PRIM2: variants seen among roughly 807,000 people sequenced by gnomAD.
PRIM2 encodes DNA primase subunit 2.
Under a neutral mutation model 67.3 loss-of-function variants are expected in PRIM2, and 39 were observed. That is an observed-to-expected ratio of 0.58 (90% confidence interval 0.45 to 0.76). PRIM2 has a LOEUF of 0.76. PRIM2 is among the 30% of genes least tolerant of loss of function. PRIM2 has a pLI of 0.00. For synonymous variants in PRIM2, 143 were observed against 198.7 expected (o/e 0.72, Z 2.36); for missense variants, 398 against 598.7 (o/e 0.66, Z 3.50).
chr6:57,288,540 A>G, the PRIM2 span, among the ~76,000 whole-genome samples: 1 of 152,168 alleles, frequency 6.6e-6, no homozygotes, highest in African/African-American at 2.4e-5. Flanking sequence ...ATACCTCCCA[A>G]TAGGGGCAAC....
At chr6:57,533,370 A>G (rs1417571062) in intron 9 of PRIM2, among the ~76,000 whole-genome samples, 1 of 152,242 alleles carries the variant, frequency 6.6e-6, no homozygotes, top group African/African-American at 2.4e-5. Flanking sequence ...AAAAATACAC[A>G]GGGATTTTAA....
intron 7 of PRIM2, among the ~76,000 whole-genome samples, chr6:57,405,166 G>GGAGGGGTACTTGT (rs1770843785): frequency 2.0e-5 from 3 of 152,202 alleles, no homozygotes; most frequent in African/African-American, 7.2e-5. Context: ...TTTTTGGTGG[G>GGAGGGGTACTTGT]GAGGGGTACT....
At chr6:57,240,103 T>TTTG in the PRIM2 span, among the ~76,000 whole-genome samples, 10 of 97,290 alleles carry the variant, frequency 1.0e-4, no homozygotes, top group South Asian at 2.9e-4. Flanking sequence ...TTTTTTTTTT[T>TTTG]TTTTTTTTTT....
intron 12 of PRIM2, among the ~76,000 whole-genome samples, chr6:57,616,030 A>T (rs1335025190): frequency 2.0e-5 from 3 of 152,244 alleles, no homozygotes; most frequent in Non-Finnish European, 2.9e-5. Flanking sequence ...CTAATCTAAA[A>T]GTTGTAGTTC....
intron 7 of PRIM2, among the ~76,000 whole-genome samples, chr6:57,443,310 T>C (rs1772261501): frequency 6.6e-6 from 1 of 152,194 alleles, no homozygotes; most frequent in African/African-American, 2.4e-5. Context: ...TTTTTAGTTT[T>C]TTGAGGAATC....
chr6:57,575,278 A>G (rs1397837136), intron 10 of PRIM2, among the ~76,000 whole-genome samples: 1 of 152,258 alleles, frequency 6.6e-6, no homozygotes, highest in Non-Finnish European at 1.5e-5. Context: ...TAAATAAGAT[A>G]GTAATTTCTA....
chr6:57,355,565 A>G (rs1170967084), intron 5 of PRIM2, among the ~76,000 whole-genome samples: 1 of 152,184 alleles, frequency 6.6e-6, no homozygotes, highest in Non-Finnish European at 1.5e-5. Flanking sequence ...GAGTGAAGAC[A>G]GAAAACTATT....
the PRIM2 span, among the ~76,000 whole-genome samples, chr6:57,303,184 T>C: frequency 1.3e-5 from 2 of 152,162 alleles, no homozygotes; most frequent in African/African-American, 4.8e-5. Context: ...AGCCAAATGA[T>C]AAAAACTAAT....
chr6:57,527,776 C>A (rs1774790969), intron 8 of PRIM2, among the ~76,000 whole-genome samples: 1 of 152,120 alleles, frequency 6.6e-6, no homozygotes, highest in Non-Finnish European at 1.5e-5. Context: ...TGTTTATTAT[C>A]ACCTCCTCTA....
At position 57,551,098 on chromosome 6, in the gene PRIM2, A is replaced by T. The variant is rs1357217629; in HGVS notation, c.1020+13473A>T. On this transcript the variant is annotated intron_variant, in intron 10 of 13. Coordinates refer to ENST00000615550, the MANE Select transcript of PRIM2 (RefSeq NM_000947.5). ...CCATCTTTCCAGTTTGTTTACTTCTATGTAAAGTAGGATTTTATTTTATTT... is the reference window on the plus strand; with the variant it reads ...CCATCTTTCCAGTTTGTTTACTTCTTTGTAAAGTAGGATTTTATTTTATTT... 3.3e-5 allele frequency among the ~76,000 whole-genome samples: 5 copies of T among 152,276 alleles called. No individual in the cohort carries two copies. The East Asian group carries it at 9.6e-4, about 29-fold the overall frequency.
chr6:57,541,951 G>A (rs1775166144), intron 10 of PRIM2, among the ~76,000 whole-genome samples: 1 of 150,806 alleles, frequency 6.6e-6, no homozygotes, highest in East Asian at 2.0e-4. Context: ...CCAGTGAAGA[G>A]CTGGGTGGTT....
Position 57,495,437 on chromosome 6 carries a change from C to T in PRIM2, c.694-11950C>T, listed in dbSNP as rs1426242530. Among the ~76,000 whole-genome samples the T allele has an allele frequency of 1.1e-4, 17 of 152,240 alleles. No homozygotes were observed. In the East Asian group the frequency reaches 3.1e-3, roughly 28 times the overall value. On this transcript the variant is annotated intron_variant, in intron 7 of 13. Transcript: ENST00000615550. ...AGCAGAGAAAATTAAGTCACAGAGG[C>T]AAGGAAAAGTAGCTGAAGTACTAAC...
intron 10 of PRIM2, among the ~76,000 whole-genome samples, chr6:57,561,457 T>C (rs1296059596): frequency 1.3e-5 from 2 of 152,210 alleles, no homozygotes; most frequent in East Asian, 3.9e-4. Flanking sequence ...GGTCTCGAAC[T>C]CCTGAGCTCA....
the PRIM2 span, among the ~76,000 whole-genome samples, chr6:57,233,811 C>T: frequency 6.6e-6 from 1 of 151,962 alleles, no homozygotes; most frequent in Non-Finnish European, 1.5e-5. Flanking sequence ...CACAGTACTA[C>T]AGCACAACTA....
At chr6:57,338,388 G>T (rs913372073) in intron 5 of PRIM2, among the ~76,000 whole-genome samples, 2 of 151,780 alleles carry the variant, frequency 1.3e-5, no homozygotes, top group African/African-American at 4.8e-5. Flanking sequence ...TACCAAAGCC[G>T]GGCAGAGACA....
chr6:57,311,778 G>A (rs1767396837), upstream of PRIM2, among the ~76,000 whole-genome samples: 1 of 152,128 alleles, frequency 6.6e-6, no homozygotes, highest in Non-Finnish European at 1.5e-5. Flanking sequence ...TGCAATCCCA[G>A]CACCTCGGGA....
At chr6:57,586,648 C>G (rs1407295417) in intron 10 of PRIM2, among the ~76,000 whole-genome samples, 1 of 152,110 alleles carries the variant, frequency 6.6e-6, no homozygotes, top group Non-Finnish European at 1.5e-5. Context: ...AATAGGAATT[C>G]TGATTTCTCA....
intron 8 of PRIM2, among the ~76,000 whole-genome samples, chr6:57,528,930 G>A (rs1774824178): frequency 1.3e-5 from 2 of 152,124 alleles, no homozygotes; most frequent in African/African-American, 4.8e-5. Context: ...AGGCAGGGCT[G>A]GCATTATTAG....
chr6:57,479,239 G>A (rs1436834712), intron 7 of PRIM2, among the ~76,000 whole-genome samples: 3 of 152,166 alleles, frequency 2.0e-5, no homozygotes, highest in African/African-American at 7.2e-5. Context: ...TAGATAATCA[G>A]AACTGATTTG....
Sources: gnomAD v4.1 joint callset for allele counts (sites outside exome capture counted in the v4.1 genomes callset) on GRCh38, gnomAD v4.1.1 for gene constraint, MANE v1.5 for transcripts, NCBI Gene and HGNC (gene_info 2026-07-23, HGNC 2026-07-21) for gene names.